Variants in GOLM2 observed in about 807,000 individuals in gnomAD.
GOLM2 encodes the protein protein GOLM2.
A neutral mutation model predicts 55.9 loss-of-function variants in GOLM2; 26 were observed. That is an observed-to-expected ratio of 0.47 (90% CI 0.34 to 0.65). The LOEUF (loss-of-function observed/expected upper bound fraction) is 0.65, where lower values mean the gene tolerates loss of function less well. Among genes scored for constraint, GOLM2 ranks in the 30% least tolerant of loss-of-function variants. The pLI is 0.01. For missense variants in GOLM2, 486 were observed against 531.8 expected (o/e 0.91, Z 0.85); for synonymous variants, 165 against 194.6 (o/e 0.85, Z 1.27).
chr15:44,369,523 G>A (rs1234152294), intron 6 of GOLM2, among the ~76,000 whole-genome samples: 1 of 151,802 alleles, frequency 6.6e-6, no homozygotes, highest in East Asian at 1.9e-4. Context: ...TGAATCTCCA[G>A]CTGTTTAAAA....
At chr15:44,340,062 T>C (rs1373377176) in intron 6 of GOLM2, among the ~76,000 whole-genome samples, 1 of 152,094 alleles carries the variant, frequency 6.6e-6, no homozygotes, top group East Asian at 1.9e-4. Context: ...CCTTAAGCAA[T>C]CTGCCTGCCT....
At chr15:44,337,269 C>G (rs1275745489) in intron 4 of GOLM2, among the ~76,000 whole-genome samples, 3 of 152,048 alleles carry the variant, frequency 2.0e-5, no homozygotes, top group Non-Finnish European at 4.4e-5. Context: ...CCTGCCACTA[C>G]TTGCTGTGTT....
intron 1 of GOLM2, among the ~76,000 whole-genome samples, chr15:44,311,151 C>G (rs374387167): frequency 6.6e-6 from 1 of 152,166 alleles, no homozygotes; most frequent in East Asian, 1.9e-4. Flanking sequence ...TAGTTTTATA[C>G]TTATACATGT....
chr15:44,339,717 T>C (rs75772883), intron 6 of GOLM2, among the ~76,000 whole-genome samples: 7,835 of 152,104 alleles, frequency 0.052, 321 homozygotes, highest in East Asian at 0.19. Context: ...TCACTGCAGT[T>C]TTGATCTCCT....
At chr15:44,336,021 G>A (rs997407599) in intron 4 of GOLM2, among the ~76,000 whole-genome samples, 6 of 151,750 alleles carry the variant, frequency 4.0e-5, no homozygotes, top group Non-Finnish European at 8.8e-5. Flanking sequence ...CGCCATGTTG[G>A]TCCGGCTGAT....
intron 6 of GOLM2, among the ~76,000 whole-genome samples, chr15:44,350,963 AAAG>A (rs1240536577): frequency 6.6e-5 from 10 of 152,316 alleles, no homozygotes; most frequent in African/African-American, 1.9e-4. Flanking sequence ...CTGGATGTAG[AAAG>A]AAGAACATAC....
chr15:44,405,655 G>A (rs1490433777), intron 9 of GOLM2, among the ~76,000 whole-genome samples: 1 of 151,450 alleles, frequency 6.6e-6, no homozygotes, highest in Non-Finnish European at 1.5e-5. Context: ...GTCTCACTCT[G>A]TCTCACCCAG....
chr15:44,299,298 G>GT (rs140953484), intron 1 of GOLM2, among the ~76,000 whole-genome samples: 2,516 of 143,950 alleles, frequency 0.017, 48 homozygotes, highest in African/African-American at 0.053. Context: ...AATTGTTTTT[G>GT]TTTTTTTTTT....
intron 6 of GOLM2, among the ~76,000 whole-genome samples, chr15:44,360,225 A>G (rs1399295858): frequency 1.3e-5 from 2 of 152,022 alleles, no homozygotes; most frequent in African/African-American, 4.8e-5. Context: ...ATGTAAATGG[A>G]CTAAATGCTC....
At chr15:44,409,073 C>T (rs1326814829) in intron 9 of GOLM2, among the ~76,000 whole-genome samples, 2 of 151,836 alleles carry the variant, frequency 1.3e-5, no homozygotes, top group African/African-American at 4.8e-5. Context: ...GTCAGGAGAT[C>T]GAGACCATCT....
At chr15:44,393,545 C>T (rs1255569337) in intron 8 of GOLM2, among the ~76,000 whole-genome samples, 1 of 152,136 alleles carries the variant, frequency 6.6e-6, no homozygotes, top group Non-Finnish European at 1.5e-5. Flanking sequence ...ATAGCCAAGA[C>T]AATTTATAAA....
chr15:44,295,146 C>T (rs999116447), intron 1 of GOLM2, among the ~76,000 whole-genome samples: 2 of 151,440 alleles, frequency 1.3e-5, no homozygotes, highest in African/African-American at 4.9e-5. Flanking sequence ...GTGGCGCAGT[C>T]TCAGCTCACT....
intron 1 of GOLM2, among the ~76,000 whole-genome samples, chr15:44,311,913 G>A (rs2078877912): frequency 6.6e-6 from 1 of 152,132 alleles, no homozygotes; most frequent in African/African-American, 2.4e-5. Context: ...GTCTCCCAAA[G>A]TGCTGGGATT....
At chr15:44,405,486 A>C (rs971980893) in intron 9 of GOLM2, 8 of 152,188 alleles carry the variant, frequency 5.3e-5, no homozygotes, top group African/African-American at 1.9e-4. Flanking sequence ...AACTGACTAA[A>C]AAGGAATACT....
intron 1 of GOLM2, among the ~76,000 whole-genome samples, chr15:44,317,102 A>C (rs1212556337): frequency 6.6e-6 from 1 of 152,232 alleles, no homozygotes; most frequent in Non-Finnish European, 1.5e-5. Flanking sequence ...CCTAATATTT[A>C]AGAAGAGCAT....
intron 1 of GOLM2, among the ~76,000 whole-genome samples, chr15:44,317,822 C>T (rs1399294305): frequency 1.3e-5 from 2 of 152,130 alleles, no homozygotes; most frequent in East Asian, 3.8e-4. Flanking sequence ...CCTGTGTTTC[C>T]CTATTACAGA....
intron 2 of GOLM2, among the ~76,000 whole-genome samples, chr15:44,325,368 A>G (rs1037292718): frequency 5.9e-5 from 9 of 152,150 alleles, no homozygotes; most frequent in Non-Finnish European, 1.3e-4. Context: ...TAAGTCTTTT[A>G]TCTTCAATTA....
intron 2 of GOLM2, among the ~76,000 whole-genome samples, chr15:44,324,766 T>C (rs1412593000): frequency 1.3e-5 from 2 of 151,960 alleles, no homozygotes; most frequent in African/African-American, 2.4e-5. Flanking sequence ...TTTTTTTTTT[T>C]AAAGCTGGCC....
chr15:44,407,808 A>G (rs569699243), intron 9 of GOLM2, among the ~76,000 whole-genome samples: 77 of 150,694 alleles, frequency 5.1e-4, no homozygotes, highest in Middle Eastern at 3.5e-3. Context: ...CTGGAGTACA[A>G]TGGCGTAATC....
Sources: allele counts gnomAD v4.1 joint callset (sites outside exome capture counted in the v4.1 genomes callset), GRCh38; gene constraint gnomAD v4.1.1; transcripts MANE v1.5; gene names NCBI Gene and HGNC (gene_info 2026-07-23, HGNC 2026-07-21).